ZRSR2: variants seen among roughly 807,000 people sequenced by gnomAD.
ZRSR2 encodes U2 small nuclear ribonucleoprotein auxiliary factor 35 kDa subunit-related protein 2.
In ZRSR2, 3 loss-of-function variants were observed where a neutral mutation model predicts 39.4. The observed-to-expected ratio is 0.08, with a 90% CI of 0.03 to 0.20. The LOEUF is 0.20. Among genes scored for constraint, ZRSR2 ranks in the 10% least tolerant of loss-of-function variants. ZRSR2 has a pLI of 1.00. For synonymous variants in ZRSR2, 137 were observed against 136.0 expected (o/e 1.01, Z -0.05); for missense variants, 256 against 391.5 (o/e 0.65, Z 2.92).
chrX:15,809,100 A>G (rs1050561744), intron 6 of ZRSR2, 100 bp from the exon 7 acceptor site: 1 of 640,992 alleles, frequency 1.6e-6, no homozygotes, highest in Non-Finnish European at 2.6e-6. Flanking sequence ...ATTAAATGAA[A>G]CAATGTTTAT....
chrX:15,816,600 C>T (rs1405078350), intron 8 of ZRSR2, among the ~76,000 whole-genome samples: 1 of 111,757 alleles, frequency 8.9e-6, no homozygotes, highest in African/African-American at 3.3e-5. Flanking sequence ...CTGCTGCCCC[C>T]AGGACCCATT....
Position 15,791,041 on chromosome X carries a change from T to C in ZRSR2, c.121+28T>C, listed in dbSNP as rs767370730. 16 of 1,160,508 alleles carry C rather than the reference T, an allele frequency of 1.4e-5. 2 individuals carry two copies. The South Asian group carries it at 2.3e-4, about 17-fold the overall frequency. On this transcript the variant is annotated intron_variant, in intron 2 of 10. Coordinates refer to ENST00000307771, the MANE Select transcript of ZRSR2 (RefSeq NM_005089.4). ...GATGGACTCTTTATTCTGTTTTCTGTGTTGTGAAATTGCTCTGTCCACTCC... is the reference window on the plus strand; with the variant it reads ...GATGGACTCTTTATTCTGTTTTCTGCGTTGTGAAATTGCTCTGTCCACTCC...
Position 15,799,936 on chromosome X carries a change from G to A in ZRSR2, c.186G>A (p.Lys62=). The stretch of plus-strand genomic sequence containing the variant: ...AAGAACAACAACTAGAAGAAGAGAA[G>A]CTATTGGAAAGAGAGAGGTCAGTGC... ...FIEEQQLEEE[K]LLERERQRLH... The change falls in exon 3 of 11, where the codon AAG becomes AAA. Residue 62 remains lysine, a synonymous_variant. Coordinates refer to ENST00000307771, the MANE Select transcript of ZRSR2 (RefSeq NM_005089.4). 1 of 1,200,100 alleles carries A rather than the reference G, an allele frequency of 8.3e-7. No homozygotes were observed. The highest frequency in any genetic ancestry group is 1.1e-6 in the Non-Finnish European group (1 of 887,122).
At chrX:15,813,082 A>T (rs912654057) in intron 7 of ZRSR2, among the ~76,000 whole-genome samples, 1 of 112,368 alleles carries the variant, frequency 8.9e-6, no homozygotes, top group Non-Finnish European at 1.9e-5. Flanking sequence ...TCTATGTAGG[A>T]CAAAGGTAAT....
At chrX:15,801,309 A>G in intron 3 of ZRSR2, 1 of 240,202 alleles carries the variant, frequency 4.2e-6, no homozygotes, top group Non-Finnish European at 8.2e-6. Flanking sequence ...GCTCACCGCA[A>G]CCTCCACCTC....
chrX:15,816,625 A>G (rs1055099161), intron 8 of ZRSR2, among the ~76,000 whole-genome samples: 7 of 111,722 alleles, frequency 6.3e-5, no homozygotes, highest in Admixed American at 1.9e-4. Context: ...GAATTCTAAT[A>G]GGGTGAAGCT....
At chrX:15,798,259 T>C (rs989518375) in intron 2 of ZRSR2, among the ~76,000 whole-genome samples, 3 of 112,440 alleles carry the variant, frequency 2.7e-5, no homozygotes, top group African/African-American at 9.7e-5. Context: ...TATTTCAGTC[T>C]TCCATTTCTC....
intron 2 of ZRSR2, among the ~76,000 whole-genome samples, chrX:15,796,981 A>G (rs1363638729): frequency 1.0e-4 from 11 of 106,441 alleles, no homozygotes; most frequent in African/African-American, 2.4e-4. Context: ...TTTAGTAGAG[A>G]TGGGGTTTCG....
intron 2 of ZRSR2, among the ~76,000 whole-genome samples, chrX:15,797,716 A>C (rs141778619): frequency 9.1e-6 from 1 of 110,186 alleles, no homozygotes; most frequent in Non-Finnish European, 1.9e-5. Context: ...AAAAATCTGT[A>C]TTTAAATAGA....
Position 15,804,211 on chromosome X carries a change from T to C in ZRSR2, c.399+14T>C, listed in dbSNP as rs1188156168. ...AAAGAAAAAGAGGTGATTCCTGTCA[T>C]GGGATGTGCTGTGTGATGAGTTTGA... On this transcript the variant is annotated intron_variant, in intron 5 of 10. Transcript: ENST00000307771. 2.2e-5 allele frequency: 26 copies of C among 1,173,024 alleles called. No individual in the cohort carries two copies. Among genetic ancestry groups the C allele is most frequent in the Non-Finnish European group, 2.8e-5 (25 of 881,869 alleles).
intron 8 of ZRSR2, among the ~76,000 whole-genome samples, chrX:15,816,429 T>A (rs928984546): frequency 3.6e-5 from 4 of 112,129 alleles, no homozygotes; most frequent in African/African-American, 1.3e-4. Context: ...ACCCCCTTCT[T>A]TTTTTTACAC....
chrX:15,799,791 A>T, intron 2 of ZRSR2, 81 bp from the exon 3 acceptor site: 1 of 603,814 alleles, frequency 1.7e-6, no homozygotes, highest in Non-Finnish European at 2.6e-6. Flanking sequence ...TTTATACATT[A>T]AAGATTACAT....
chrX:15,818,515 CA>C, intron 8 of ZRSR2, 71 bp from the exon 9 acceptor site: 1 of 978,444 alleles, frequency 1.0e-6, no homozygotes. Flanking sequence ...TTAGCCTGGA[CA>C]AACAACATTT....
chrX:15,802,668 AG>A (rs896698878), intron 3 of ZRSR2, among the ~76,000 whole-genome samples: 15 of 109,847 alleles, frequency 1.4e-4, no homozygotes, highest in Admixed American at 2.0e-4. Flanking sequence ...CATGTTGGCC[AG>A]CCTGGTCTCA....
chrX:15,820,849 CATGA>C (rs768890191), intron 10 of ZRSR2, among the ~76,000 whole-genome samples: 98 of 111,952 alleles, frequency 8.8e-4, no homozygotes, highest in Non-Finnish European at 1.5e-3. Flanking sequence ...ATCAGTTAAA[CATGA>C]ATGCAGTCAG....
chrX:15,811,547 C>T (rs1486965126), intron 7 of ZRSR2, among the ~76,000 whole-genome samples: 1 of 111,685 alleles, frequency 9.0e-6, no homozygotes, highest in Non-Finnish European at 1.9e-5. Flanking sequence ...GCCTTAGCCT[C>T]TCGAGTAGTT....
At chrX:15,809,996 G>A (rs1443764523) in intron 7 of ZRSR2, among the ~76,000 whole-genome samples, 2 of 111,696 alleles carry the variant, frequency 1.8e-5, no homozygotes, top group Non-Finnish European at 3.8e-5. Context: ...CTTAAGCTCT[G>A]TGTGCCTTCG....
chrX:15,808,095 C>G, intron 5 of ZRSR2, 138 bp from the exon 6 acceptor site: 1 of 565,964 alleles, frequency 1.8e-6, no homozygotes, highest in Non-Finnish European at 3.0e-6. Context: ...TTCAAAAGAT[C>G]TGTGATTCAA....
chrX:15,795,243 A>G (rs1456049237), intron 2 of ZRSR2, among the ~76,000 whole-genome samples: 1 of 110,572 alleles, frequency 9.0e-6, no homozygotes, highest in African/African-American at 3.3e-5. Context: ...TATAACAACA[A>G]TAGCATCTTC....
Sources: allele counts gnomAD v4.1 joint callset (sites outside exome capture counted in the v4.1 genomes callset), GRCh38; gene constraint gnomAD v4.1.1; transcripts MANE v1.5; gene names NCBI Gene and HGNC (gene_info 2026-07-23, HGNC 2026-07-21).